ENOSF1: variants seen among roughly 807,000 people sequenced by gnomAD.
ENOSF1 encodes the protein mitochondrial enolase superfamily member 1.
ENOSF1 carries 73 observed loss-of-function variants against 68.2 expected under a neutral mutation model. The observed-to-expected ratio is 1.07, with a 90% CI of 0.89 to 1.30. The LOEUF (loss-of-function observed/expected upper bound fraction) is 1.30. Among genes scored for constraint, ENOSF1 ranks in the 50% most tolerant of loss-of-function variants. ENOSF1 has a pLI of 0.00. For synonymous variants in ENOSF1, 223 were observed against 210.4 expected, an observed-to-expected ratio of 1.06 and a Z score of -0.52; for missense variants, 589 against 554.5, an observed-to-expected ratio of 1.06 and a Z score of -0.62.
chr18:691,047 G>C, intron 7 of ENOSF1, 21 bp downstream of exon 7: 2 of 1,613,850 alleles, frequency 1.2e-6, no homozygotes, highest in Non-Finnish European at 1.7e-6. Context: ...AAACAATGAA[G>C]AAAATTTTCT....
intron 8 of ENOSF1, among the ~76,000 whole-genome samples, chr18:689,018 G>A (rs79093361): frequency 0.014 from 2,107 of 152,272 alleles, 24 homozygotes; most frequent in Non-Finnish European, 0.022. Flanking sequence ...TGTGCCGACT[G>A]CATGCCATGT....
intron 3 of ENOSF1, among the ~76,000 whole-genome samples, chr18:696,216 T>TTG (rs1410703414): frequency 6.9e-6 from 1 of 144,560 alleles, no homozygotes; most frequent in Non-Finnish European, 1.5e-5. Context: ...TTTTTTTTTT[T>TTG]TTTTTTTTGT....
intron 1 of ENOSF1, chr18:712,287 C>A: frequency 2.0e-6 from 3 of 1,528,640 alleles, no homozygotes; most frequent in Admixed American, 2.0e-5. Context: ...GGTTCGAAGT[C>A]GGGAAGCTGC....
chr18:705,575 A>T (rs1281343420), intron 2 of ENOSF1, among the ~76,000 whole-genome samples: 3 of 152,180 alleles, frequency 2.0e-5, no homozygotes, highest in African/African-American at 7.2e-5. Flanking sequence ...GAAAATGCAA[A>T]TAAAAAAAGA....
At position 712,590 on chromosome 18, in the gene ENOSF1, C is replaced by G; in HGVS notation, c.-3G>C. ...CGGGAGATCCTGCCGCGCACCATGG[C>G]CCCTGCGCCCCGTGGCCGCGGCCCC... is the stretch of plus-strand genomic sequence containing the variant. On this transcript the variant is annotated 5_prime_UTR_variant, in exon 1 of 16. Transcript: ENST00000647584. 6.5e-7 allele frequency: 1 copy of G among 1,534,712 alleles called. No individual in the cohort carries two copies. The highest frequency in any genetic ancestry group is 8.7e-7 in the Non-Finnish European group (1 of 1,144,400).
At chr18:693,437 A>C in intron 5 of ENOSF1, 1 of 984,084 alleles carries the variant, frequency 1.0e-6, no homozygotes, top group Non-Finnish European at 1.2e-6. Flanking sequence ...AGCCTTCCAA[A>C]GTATTGGGAT....
chr18:682,071 G>A (rs569625216), intron 11 of ENOSF1, among the ~76,000 whole-genome samples: 3 of 152,168 alleles, frequency 2.0e-5, no homozygotes, highest in Non-Finnish European at 4.4e-5. Context: ...GGAGTGTATA[G>A]CTATGCAAAG....
chr18:670,109 T>C (rs1428211531), downstream of ENOSF1, among the ~76,000 whole-genome samples: 1 of 151,518 alleles, frequency 6.6e-6, no homozygotes, highest in African/African-American at 2.4e-5. Flanking sequence ...AGTGGTGTGA[T>C]CTCCGCTCAC....
At chr18:694,040 T>G (rs566449825) in intron 4 of ENOSF1, 132 bp from the exon 5 acceptor site, 1 of 1,094,488 alleles carries the variant, frequency 9.1e-7, no homozygotes, top group African/African-American at 1.6e-5. Flanking sequence ...TACTGCTGCC[T>G]GCGCCTTCCG....
downstream of ENOSF1, among the ~76,000 whole-genome samples, chr18:665,507 T>C (rs1396800494): frequency 1.4e-5 from 2 of 142,510 alleles, no homozygotes; most frequent in African/African-American, 2.7e-5. Flanking sequence ...TTTGTGTCTC[T>C]ATTTCCTTCA....
rs766220285 is a variant in ENOSF1 at position 685,934 on chromosome 18, G to A, written c.728C>T (p.Pro243Leu). 35 of 1,613,558 alleles carry A rather than the reference G, an allele frequency of 2.2e-5. No homozygotes were observed. The highest frequency in any genetic ancestry group is 1.7e-4 in the Admixed American group (10 of 59,988). ...RCQIIRDMIG[P>L]EKTLMMDANQ... The stretch of plus-strand genomic sequence containing the variant: ...GAGGATATTTACCAAAGTCTTTTCC[G>A]GTCCAATCATGTCTCGGATGATTTG... Residue 243 changes from proline to leucine, a missense_variant, in exon 10 of 16, where the codon CCG becomes CTG. Pro to Leu is a moderately conservative substitution (Grantham distance 98, BLOSUM62 -3). Coordinates refer to ENST00000647584, the MANE Select transcript of ENOSF1 (RefSeq NM_017512.7).
At chr18:703,049 G>C (rs910046944) in intron 2 of ENOSF1, among the ~76,000 whole-genome samples, 2 of 152,324 alleles carry the variant, frequency 1.3e-5, no homozygotes, top group African/African-American at 4.8e-5. Flanking sequence ...ACTGCAGTGA[G>C]TCACCTGAAA....
chr18:671,634 C>T lies in ENOSF1; in HGVS notation c.*2671G>A. 9.6e-6 allele frequency: 6 copies of T among 623,834 alleles called. No individual in the cohort carries two copies. Among genetic ancestry groups the T allele is most frequent in the Non-Finnish European group, 1.7e-5 (6 of 354,380 alleles). The allele number at this position is 623,834 out of a possible 1,614,324, so 38.6% of individuals were successfully genotyped here. ...CAAGGCAGGCATCTGCCTCAGCAAC[C>T]ATGGGCACTTAACATGTCAGGTGCT... On this transcript the variant is annotated 3_prime_UTR_variant, in exon 16 of 16. Coordinates refer to ENST00000647584, the MANE Select transcript of ENOSF1 (RefSeq NM_017512.7).
At position 670,690 on chromosome 18, in the gene ENOSF1, A is replaced by C. The variant is rs1289297593; in HGVS notation, c.*3615T>G. 1 of 1,613,600 alleles carries C rather than the reference A, an allele frequency of 6.2e-7. No individual in the cohort carries two copies. Among genetic ancestry groups the C allele is most frequent in the Admixed American group, 1.7e-5 (1 of 59,954 alleles). On this transcript the variant is annotated 3_prime_UTR_variant, in exon 16 of 16. Coordinates refer to ENST00000647584, the MANE Select transcript of ENOSF1 (RefSeq NM_017512.7). Reference sequence around the variant, plus strand: ...CCTTATCTTCCTCTGCTGGTTCCTCAGATCTTCCTCTGATGGCGCTGCCTC... The same window carrying C: ...CCTTATCTTCCTCTGCTGGTTCCTCCGATCTTCCTCTGATGGCGCTGCCTC...
In ENOSF1 at chr18:671,487, C is replaced by G. The variant is rs375393106; in HGVS notation, c.*2818G>C. 1 of 1,359,670 alleles carries G rather than the reference C, an allele frequency of 7.4e-7. No individual in the cohort carries two copies. The highest frequency in any genetic ancestry group is 1.4e-5 in the African/African-American group (1 of 69,726). The allele number at this position is 1,359,670 out of a possible 1,614,324, so 84.2% of individuals were successfully genotyped here. A position where few individuals can be genotyped will look rare whatever the true frequency, so the allele number is the denominator to read the frequency against. On this transcript the variant is annotated 3_prime_UTR_variant, in exon 16 of 16. Transcript: ENST00000647584. ...GATGTTATACTTTTGGGTTTGGTACCTTCTCTTGATAAAAGGTTGACTGTG... is the reference window on the plus strand; with the variant it reads ...GATGTTATACTTTTGGGTTTGGTACGTTCTCTTGATAAAAGGTTGACTGTG...
intron 5 of ENOSF1, chr18:693,443 G>A: frequency 1.0e-6 from 1 of 984,064 alleles, no homozygotes. Flanking sequence ...CCAAAGTATT[G>A]GGATTACAGG....
rs771751918 is a variant in ENOSF1, at chr18:712,524, C to G, written c.64G>C (p.Gly22Arg). ...CTTACCATGGCGTCCGCGCCGTGGC[C>G]CCCAAGCGACGTGGGGAAGCGCACG... Reference protein sequence around the residue: ...RDVRFPTSLGGHGADAMHTDP... With the variant: ...RDVRFPTSLGRHGADAMHTDP... The change falls in exon 1 of 16, where the codon GGC becomes CGC. Residue 22 changes from glycine (G) to arginine (R), a missense_variant. Gly to Arg is a moderately radical substitution (Grantham distance 125). Coordinates refer to ENST00000647584, the MANE Select transcript of ENOSF1 (RefSeq NM_017512.7). The G allele has an allele frequency of 6.5e-7, 1 of 1,540,108 alleles. No homozygotes were observed. The highest frequency in any genetic ancestry group is 1.2e-5 in the South Asian group (1 of 84,024).
rs138919159 is a variant in ENOSF1 at position 703,210 on chromosome 18, C to A, written c.193+3260G>T. Among the ~76,000 whole-genome samples the A allele has an allele frequency of 1.4e-3, 220 of 152,146 alleles. 1 individual carries two copies. The highest frequency in any genetic ancestry group is 5.1e-3 in the African/African-American group (213 of 41,496). On this transcript the variant is annotated intron_variant, in intron 2 of 15. Coordinates refer to ENST00000647584, the MANE Select transcript of ENOSF1 (RefSeq NM_017512.7). ...GTGCCTGAGACATCCACCAAGACAGCGGTGTGGGGCTGGGAATGGAGGAGG... is the reference window on the plus strand; with the variant it reads ...GTGCCTGAGACATCCACCAAGACAGAGGTGTGGGGCTGGGAATGGAGGAGG...
At chr18:694,218 A>G (rs758105094) in intron 4 of ENOSF1, 30 bp downstream of exon 4, 1 of 1,606,474 alleles carries the variant, frequency 6.2e-7, no homozygotes, top group Non-Finnish European at 8.5e-7. Flanking sequence ...AGCTCCCAGG[A>G]GCCTCCTGAG....
Sources: gnomAD v4.1 joint callset for allele counts (sites outside exome capture counted in the v4.1 genomes callset) on GRCh38, gnomAD v4.1.1 for gene constraint, MANE v1.5 for transcripts, NCBI Gene and HGNC (gene_info 2026-07-23, HGNC 2026-07-21) for gene names.